GRID2: variants seen among roughly 807,000 people sequenced by gnomAD.
GRID2 encodes the protein glutamate receptor ionotropic, delta-2.
GRID2 carries 33 observed loss-of-function variants against 114.8 expected under a neutral mutation model. The observed-to-expected ratio is 0.29, with a 90% CI of 0.22 to 0.38. GRID2 has a LOEUF of 0.38. GRID2 is among the 10% of genes least tolerant of loss of function. The pLI is 1.00. For missense variants in GRID2, 1,184 were observed against 1,257.7 expected, an observed-to-expected ratio of 0.94 and a Z score of 0.89; for synonymous variants, 505 against 449.9, an observed-to-expected ratio of 1.12 and a Z score of -1.55.
intron 8 of GRID2, among the ~76,000 whole-genome samples, chr4:93,264,349 G>A (rs1026837065): frequency 6.6e-6 from 1 of 152,058 alleles, no homozygotes; most frequent in Non-Finnish European, 1.5e-5. Flanking sequence ...ATTATAGTAT[G>A]AGTTTTTCCA....
chr4:93,091,755 G>A (rs560067677), intron 3 of GRID2, among the ~76,000 whole-genome samples: 1 of 152,102 alleles, frequency 6.6e-6, no homozygotes, highest in Non-Finnish European at 1.5e-5. Context: ...AACAAGCTGT[G>A]TCCTCACAAA....
At chr4:93,638,051 A>G (rs951347818) in intron 14 of GRID2, among the ~76,000 whole-genome samples, 1 of 152,132 alleles carries the variant, frequency 6.6e-6, no homozygotes, top group Admixed American at 6.5e-5. Context: ...TATATAGCCC[A>G]GGTAAGTCTA....
intron 1 of GRID2, among the ~76,000 whole-genome samples, chr4:92,576,360 C>A (rs1321807518): frequency 1.3e-5 from 2 of 152,202 alleles, no homozygotes; most frequent in East Asian, 3.9e-4. Context: ...GTGGCCTGGT[C>A]CCTCCCCCAG....
chr4:93,567,602 T>C (rs556772608), intron 13 of GRID2, among the ~76,000 whole-genome samples: 2 of 152,314 alleles, frequency 1.3e-5, no homozygotes, highest in East Asian at 3.9e-4. Flanking sequence ...AGACAGATAA[T>C]GTAAGATATA....
At chr4:92,694,142 A>G (rs769760725) in intron 2 of GRID2, among the ~76,000 whole-genome samples, 17 of 152,206 alleles carry the variant, frequency 1.1e-4, no homozygotes, top group Non-Finnish European at 1.8e-4. Flanking sequence ...GGACAAAGCT[A>G]GACTGAAGAA....
At chr4:92,785,283 A>G (rs1697580250) in intron 2 of GRID2, among the ~76,000 whole-genome samples, 1 of 151,570 alleles carries the variant, frequency 6.6e-6, no homozygotes, top group Admixed American at 6.6e-5. Context: ...CCACAATATT[A>G]AAATATTCTG....
At chr4:93,502,457 T>G (rs562789385) in intron 12 of GRID2, among the ~76,000 whole-genome samples, 285 of 151,974 alleles carry the variant, frequency 1.9e-3, no homozygotes, top group Non-Finnish European at 3.4e-3. Flanking sequence ...ATATCTTAAG[T>G]TGAAAGGCAA....
intron 4 of GRID2, among the ~76,000 whole-genome samples, chr4:93,202,166 T>G (rs1422555562): frequency 6.6e-6 from 1 of 152,162 alleles, no homozygotes; most frequent in Admixed American, 6.6e-5. Context: ...CCTGTTATTT[T>G]GATAACCAAG....
chr4:93,097,050 A>G (rs1425428984), intron 3 of GRID2, among the ~76,000 whole-genome samples: 1 of 152,000 alleles, frequency 6.6e-6, no homozygotes, highest in Non-Finnish European at 1.5e-5. Flanking sequence ...GTAATACTGT[A>G]TGATTCCATA....
intron 4 of GRID2, among the ~76,000 whole-genome samples, chr4:93,198,665 A>G (rs998669887): frequency 1.3e-5 from 2 of 152,094 alleles, no homozygotes; most frequent in Non-Finnish European, 2.9e-5. Context: ...TTAGAGAGGT[A>G]GGATGGGAAG....
At chr4:92,686,416 T>C (rs80267193) in intron 2 of GRID2, among the ~76,000 whole-genome samples, 3,226 of 152,242 alleles carry the variant, frequency 0.021, 131 homozygotes, top group African/African-American at 0.074. Flanking sequence ...TAGACATTTT[T>C]ATATATCTCC....
chr4:93,165,592 T>G (rs1031206647), intron 4 of GRID2, among the ~76,000 whole-genome samples: 1 of 152,110 alleles, frequency 6.6e-6, no homozygotes, highest in East Asian at 1.9e-4. Context: ...CCAAAAGAGC[T>G]TCCCTAAGAG....
chr4:92,532,889 A>G (rs1725420429), intron 1 of GRID2, among the ~76,000 whole-genome samples: 1 of 152,188 alleles, frequency 6.6e-6, no homozygotes. Context: ...TCCTGGCAAC[A>G]TAGCAAGGCC....
chr4:93,523,653 A>T (rs1312349898), intron 13 of GRID2, among the ~76,000 whole-genome samples: 3 of 152,054 alleles, frequency 2.0e-5, no homozygotes, highest in Admixed American at 6.6e-5. Flanking sequence ...GGTTGGCAGG[A>T]GGGGTGAGCA....
At chr4:92,554,892 T>C (rs1450498) in intron 1 of GRID2, among the ~76,000 whole-genome samples, 149,011 of 152,238 alleles carry the variant, frequency 0.98, 72,951 homozygotes, top group East Asian at 1. Flanking sequence ...TTTCTCACCT[T>C]TTGTCCTTAG....
rs1273416294 is a variant in GRID2, at chr4:93,008,032, C to CAA, written c.245-76943_245-76942dup. 4.2e-3 allele frequency among the ~76,000 whole-genome samples: 263 copies of CAA among 62,384 alleles called. 4 individuals are homozygous for CAA. Among genetic ancestry groups the CAA allele is most frequent in the African/African-American group, 9.5e-3 (176 of 18,510 alleles). The allele number at this position is 62,384 out of a possible 152,430, so 40.9% of individuals were successfully genotyped here. ...CCTGGGCAACAGGGTGAGACTGTCACAAAAAAAAAAAAAAAAAAAAATCCT... is the reference window on the plus strand; with the variant it reads ...CCTGGGCAACAGGGTGAGACTGTCACAAAAAAAAAAAAAAAAAAAAAAATCCT... On this transcript the variant is annotated intron_variant, in intron 2 of 15. Transcript: ENST00000282020.
chr4:93,060,900 C>T (rs1288959501), intron 2 of GRID2, among the ~76,000 whole-genome samples: 4 of 152,078 alleles, frequency 2.6e-5, no homozygotes, highest in Non-Finnish European at 4.4e-5. Flanking sequence ...GTCAGGAGTT[C>T]GAGACCAGAC....
intron 1 of GRID2, among the ~76,000 whole-genome samples, chr4:93,803,256 A>T (rs1405766976): frequency 6.6e-6 from 1 of 152,250 alleles, no homozygotes. Context: ...GTGACATGTC[A>T]GTAATTATCA....
intron 1 of GRID2, among the ~76,000 whole-genome samples, chr4:92,485,979 G>A (rs938061142): frequency 6.6e-6 from 1 of 151,628 alleles, no homozygotes; most frequent in Non-Finnish European, 1.5e-5. Flanking sequence ...TAACAAAAAT[G>A]ATGGAACTTG....
Sources: allele counts gnomAD v4.1 joint callset (sites outside exome capture counted in the v4.1 genomes callset), GRCh38; gene constraint gnomAD v4.1.1; transcripts MANE v1.5; gene names NCBI Gene and HGNC (gene_info 2026-07-23, HGNC 2026-07-21).